GALNTL6: variants seen among roughly 807,000 people sequenced by gnomAD.
GALNTL6 encodes polypeptide N-acetylgalactosaminyltransferase like 6.
GALNTL6 carries 46 observed loss-of-function variants against 73.7 expected under a neutral mutation model. The observed-to-expected ratio is 0.62, with a 90% confidence interval of 0.49 to 0.80. The LOEUF is 0.80. Ranked by LOEUF, GALNTL6 falls within the 30% of genes least tolerant of loss-of-function variation. The pLI is 0.00. For synonymous variants in GALNTL6, 259 were observed against 263.7 expected, an observed-to-expected ratio of 0.98 and a Z score of 0.17; for missense variants, 604 against 755.0, an observed-to-expected ratio of 0.80 and a Z score of 2.34.
At chr4:172,195,368 T>G (rs1735725618) in intron 2 of GALNTL6, among the ~76,000 whole-genome samples, 1 of 152,134 alleles carries the variant, frequency 6.6e-6, no homozygotes, top group South Asian at 2.1e-4. Context: ...CTGTCAATAT[T>G]AGATCACTGA....
chr4:172,585,499 A>G (rs1737374342), intron 5 of GALNTL6, among the ~76,000 whole-genome samples: 1 of 152,144 alleles, frequency 6.6e-6, no homozygotes. Context: ...GAGTGAGAAC[A>G]TGTGGTGTTT....
intron 9 of GALNTL6, among the ~76,000 whole-genome samples, chr4:172,935,573 A>T (rs1317911814): frequency 6.6e-6 from 1 of 152,150 alleles, no homozygotes; most frequent in Non-Finnish European, 1.5e-5. Flanking sequence ...AACTAAATAG[A>T]TGCAATAAAA....
intron 2 of GALNTL6, among the ~76,000 whole-genome samples, chr4:171,969,483 T>C (rs950344826): frequency 6.6e-6 from 1 of 152,236 alleles, no homozygotes; most frequent in African/African-American, 2.4e-5. Flanking sequence ...CCTTCATAAA[T>C]GGCATAGGAG....
chr4:171,910,041 T>C (rs1054362418), intron 2 of GALNTL6, among the ~76,000 whole-genome samples: 3 of 152,194 alleles, frequency 2.0e-5, no homozygotes, highest in African/African-American at 7.2e-5. Flanking sequence ...TAATGTATTC[T>C]GCAAGCTTTA....
At chr4:171,909,673 A>G (rs1322698641) in intron 2 of GALNTL6, among the ~76,000 whole-genome samples, 3 of 152,198 alleles carry the variant, frequency 2.0e-5, no homozygotes, top group African/African-American at 4.8e-5. Context: ...AGACTTTTGA[A>G]AATGAAGAAG....
intron 5 of GALNTL6, among the ~76,000 whole-genome samples, chr4:172,358,203 C>T (rs1742235593): frequency 1.3e-5 from 2 of 152,192 alleles, no homozygotes; most frequent in South Asian, 2.1e-4. Flanking sequence ...CTGCCACTTA[C>T]AGCCCTTGAG....
intron 7 of GALNTL6, among the ~76,000 whole-genome samples, chr4:172,845,575 A>C (rs1433851906): frequency 1.2e-4 from 19 of 152,224 alleles, no homozygotes; most frequent in Admixed American, 1.2e-3. Context: ...CTCTGCCTTC[A>C]AAAATCATTG....
At chr4:172,506,999 T>A (rs1734393184) in intron 5 of GALNTL6, among the ~76,000 whole-genome samples, 1 of 55,826 alleles carries the variant, frequency 1.8e-5, no homozygotes, top group Non-Finnish European at 4.2e-5. Context: ...GGAGAAATGG[T>A]TTATGTTTAT....
At chr4:172,443,591 T>A (rs1368995903) in intron 5 of GALNTL6, among the ~76,000 whole-genome samples, 1 of 152,080 alleles carries the variant, frequency 6.6e-6, no homozygotes, top group Non-Finnish European at 1.5e-5. Flanking sequence ...TATAGCCCCT[T>A]TTTATATGTG....
intron 12 of GALNTL6, among the ~76,000 whole-genome samples, chr4:173,023,051 T>G (rs377394612): frequency 6.6e-6 from 1 of 152,162 alleles, no homozygotes; most frequent in East Asian, 1.9e-4. Context: ...CAGCCTTGCC[T>G]CAGGCTATAA....
intron 5 of GALNTL6, among the ~76,000 whole-genome samples, chr4:172,463,822 G>A (rs187287102): frequency 3.3e-5 from 5 of 152,244 alleles, no homozygotes; most frequent in Admixed American, 2.0e-4. Context: ...TTTCATACTT[G>A]CATGATTTTC....
At chr4:172,687,584 C>T (rs28529695) in intron 5 of GALNTL6, among the ~76,000 whole-genome samples, 6,644 of 148,900 alleles carry the variant, frequency 0.045, 311 homozygotes, top group African/African-American at 0.11. Flanking sequence ...GCCAAGATCG[C>T]GCCACTGCAC....
chr4:171,929,852 C>T (rs1738118679), intron 2 of GALNTL6, among the ~76,000 whole-genome samples: 1 of 152,200 alleles, frequency 6.6e-6, no homozygotes, highest in Admixed American at 6.5e-5. Flanking sequence ...GCAGCCCCAG[C>T]TCCCTGGAAA....
intron 2 of GALNTL6, among the ~76,000 whole-genome samples, chr4:172,218,261 T>G (rs1394526876): frequency 2.6e-5 from 4 of 152,118 alleles, no homozygotes; most frequent in Admixed American, 6.6e-5. Context: ...TGGATAAGAC[T>G]CTAGTAAAGT....
At chr4:171,832,383 GTTC>G (rs919235888) in intron 2 of GALNTL6, among the ~76,000 whole-genome samples, 1 of 151,106 alleles carries the variant, frequency 6.6e-6, no homozygotes, top group African/African-American at 2.4e-5. Flanking sequence ...TATTTAATAT[GTTC>G]TTGTTTTCAT....
At chr4:172,151,073 CTT>C (rs1295447423) in intron 2 of GALNTL6, among the ~76,000 whole-genome samples, 26 of 152,154 alleles carry the variant, frequency 1.7e-4, no homozygotes, top group African/African-American at 6.3e-4. Flanking sequence ...AGAGACAATT[CTT>C]TCACATGAGC....
chr4:171,891,821 C>T (rs1736771920), intron 2 of GALNTL6, among the ~76,000 whole-genome samples: 1 of 152,102 alleles, frequency 6.6e-6, no homozygotes, highest in South Asian at 2.1e-4. Flanking sequence ...TATAAGTATG[C>T]CCACTACAAC....
chr4:172,776,406 T>C (rs112915554), intron 5 of GALNTL6, among the ~76,000 whole-genome samples: 19 of 152,256 alleles, frequency 1.2e-4, no homozygotes, highest in African/African-American at 4.6e-4. Flanking sequence ...TTTCTAATAT[T>C]TGTAGCTTAA....
chr4:172,176,103 G>T (rs915010985), intron 2 of GALNTL6, among the ~76,000 whole-genome samples: 2 of 151,982 alleles, frequency 1.3e-5, no homozygotes, highest in Non-Finnish European at 2.9e-5. Context: ...ACTTTGGGAG[G>T]CCGAGGTGGG....
Sources: allele counts gnomAD v4.1 joint callset (sites outside exome capture counted in the v4.1 genomes callset), GRCh38; gene constraint gnomAD v4.1.1; transcripts MANE v1.5; gene names NCBI Gene and HGNC (gene_info 2026-07-23, HGNC 2026-07-21).